TPRG1: variants seen among roughly 807,000 people sequenced by gnomAD.
TPRG1 encodes tumor protein p63-regulated gene 1 protein.
Under a neutral mutation model 29.3 loss-of-function variants are expected in TPRG1, and 29 were observed. That is an observed-to-expected ratio of 0.99 (90% confidence interval 0.74 to 1.35). The LOEUF (loss-of-function observed/expected upper bound fraction) is 1.35. TPRG1 is among the 40% of genes most tolerant of loss of function. TPRG1 has a pLI of 0.00. For synonymous variants in TPRG1, 130 were observed against 116.8 expected (o/e 1.11, Z -0.73); for missense variants, 327 against 335.0 (o/e 0.98, Z 0.19).
chr3:189,293,250 A>G (rs1311397007), intron 4 of TPRG1, among the ~76,000 whole-genome samples: 1 of 152,076 alleles, frequency 6.6e-6, no homozygotes, highest in Non-Finnish European at 1.5e-5. Flanking sequence ...CAATTTCAAC[A>G]TTGTTAGAGT....
At chr3:189,138,585 G>A (rs1443978954) in intron 3 of TPRG1, among the ~76,000 whole-genome samples, 1 of 152,182 alleles carries the variant, frequency 6.6e-6, no homozygotes, top group Non-Finnish European at 1.5e-5. Flanking sequence ...GAAAGAGAAT[G>A]AGGATCAGGC....
chr3:189,137,643 C>A (rs1723941313), intron 3 of TPRG1, among the ~76,000 whole-genome samples: 1 of 151,956 alleles, frequency 6.6e-6, no homozygotes, highest in South Asian at 2.1e-4. Context: ...TTGGGGGTCC[C>A]AGTAGGGTGC....
intron 5 of TPRG1, among the ~76,000 whole-genome samples, chr3:189,161,454 G>A (rs1024235600): frequency 1.6e-5 from 2 of 128,138 alleles, no homozygotes; most frequent in Admixed American, 7.9e-5. Context: ...AGCTTAATAA[G>A]TAGTAGGTTC....
chr3:189,078,700 G>A (rs1717388759), intron 4 of TPRG1, among the ~76,000 whole-genome samples: 1 of 152,130 alleles, frequency 6.6e-6, no homozygotes, highest in Non-Finnish European at 1.5e-5. Context: ...ATGTAATTAG[G>A]AACCCATGGC....
intron 3 of TPRG1, among the ~76,000 whole-genome samples, chr3:189,224,992 C>T (rs957649706): frequency 2.7e-5 from 4 of 147,232 alleles, no homozygotes; most frequent in East Asian, 4.1e-4. Flanking sequence ...AGTGCAGTGG[C>T]GTGATCTCAG....
In TPRG1 at chr3:189,297,832, G is replaced by A. The variant is rs568446736; in HGVS notation, c.480-12554G>A. Among the ~76,000 whole-genome samples the A allele has an allele frequency of 1.5e-4, 23 of 152,204 alleles. No individual in the cohort carries two copies. In the South Asian group the frequency reaches 4.4e-3, roughly 29 times the overall value. On this transcript the variant is annotated intron_variant, in intron 4 of 5. Transcript: ENST00000345063. ...ACCAAGAACTGACCATTTGGGAAGA[G>A]GACTCATGTATGGAACTTGGGAACA...
At chr3:189,205,910 C>A (rs747795025) in intron 1 of TPRG1, among the ~76,000 whole-genome samples, 1 of 151,988 alleles carries the variant, frequency 6.6e-6, no homozygotes, top group Non-Finnish European at 1.5e-5. Flanking sequence ...CTAGAGATAA[C>A]TATTGTTATA....
chr3:189,110,138 G>A (rs1460099313), intron 1 of TPRG1, among the ~76,000 whole-genome samples: 1 of 152,138 alleles, frequency 6.6e-6, no homozygotes, highest in Non-Finnish European at 1.5e-5. Context: ...AACTACAAGT[G>A]GGATTGCTGC....
At chr3:189,104,435 C>T (rs569380325) in intron 1 of TPRG1, among the ~76,000 whole-genome samples, 1 of 152,098 alleles carries the variant, frequency 6.6e-6, no homozygotes, top group South Asian at 2.1e-4. Context: ...CATGATTATC[C>T]AATAAAATTT....
At position 189,186,756 on chromosome 3, in the gene TPRG1, GAA is replaced by G. The variant is rs11320794; in HGVS notation, c.-10+14635_-10+14636del. Among the ~76,000 whole-genome samples, 46 of 147,830 alleles carry G rather than the reference GAA, an allele frequency of 3.1e-4. No individual in the cohort carries two copies. The South Asian group carries it at 3.8e-3, about 12-fold the overall frequency. On this transcript the variant is annotated intron_variant, in intron 1 of 5. Coordinates refer to ENST00000345063, the MANE Select transcript of TPRG1 (RefSeq NM_198485.4). Reference sequence around the variant, plus strand: ...AGTTCAGTATTCTCCTAGTACATATGAAAAAAAAAAAGATAGCTAGAGAAGAA... The same window carrying G: ...AGTTCAGTATTCTCCTAGTACATATGAAAAAAAAAGATAGCTAGAGAAGAA...
At chr3:189,145,371 A>AAAAAAAAAAAAAAAC (rs1725127124) in intron 3 of TPRG1, among the ~76,000 whole-genome samples, 1 of 151,598 alleles carries the variant, frequency 6.6e-6, no homozygotes, top group African/African-American at 2.4e-5. Flanking sequence ...AAAAAAAAAA[A>AAAAAAAAAAAAAAAC]AACATGCCAA....
intron 4 of TPRG1, among the ~76,000 whole-genome samples, chr3:189,292,824 G>A (rs1007374634): frequency 8.5e-5 from 13 of 152,256 alleles, no homozygotes; most frequent in Admixed American, 4.6e-4. Context: ...ACCTGGCAAC[G>A]AGCAGAGATG....
chr3:189,269,036 T>A (rs1214816464), intron 4 of TPRG1, among the ~76,000 whole-genome samples: 1 of 152,128 alleles, frequency 6.6e-6, no homozygotes, highest in African/African-American at 2.4e-5. Context: ...ACAATTAAAT[T>A]TCTAACTCTT....
rs1263337530 is a variant in TPRG1, at chr3:189,056,027, C to CCCTT, written c.-463+32084_-463+32085insTCCT. On this transcript the variant is annotated intron_variant, in intron 4 of 10. Coordinates refer to the TPRG1 transcript ENST00000433971. ...CTCTCTCTCCCTCCCTCCCTTCCCT[C>CCCTT]CCTCCCTTCCTTCCTTCCTTCCTTC... Among the ~76,000 whole-genome samples the CCCTT allele has an allele frequency of 9.4e-5, 10 of 106,178 alleles. 1 individual carries two copies. The highest frequency in any genetic ancestry group is 3.4e-4 in the African/African-American group (9 of 26,476). 69.7% of individuals were successfully genotyped at this position (106,178 alleles called of 152,430 possible).
At chr3:189,032,158 G>A (rs938667433) in intron 4 of TPRG1, among the ~76,000 whole-genome samples, 1 of 152,112 alleles carries the variant, frequency 6.6e-6, no homozygotes, top group Non-Finnish European at 1.5e-5. Context: ...TTGAGTGGGC[G>A]CCATGTAATC....
At chr3:189,142,407 G>A (rs1055092081) in intron 3 of TPRG1, among the ~76,000 whole-genome samples, 5 of 152,104 alleles carry the variant, frequency 3.3e-5, no homozygotes, top group African/African-American at 1.2e-4. Context: ...GTAAGGAGAG[G>A]GTAGAGGCAT....
At chr3:189,319,335 G>A (rs976102185) in intron 5 of TPRG1, among the ~76,000 whole-genome samples, 1 of 151,994 alleles carries the variant, frequency 6.6e-6, no homozygotes, top group Non-Finnish European at 1.5e-5. Flanking sequence ...CTCAAACCAC[G>A]TGTCTGCAAC....
rs745872842 is a variant in TPRG1 at position 189,320,735 on chromosome 3, T to A, written c.743T>A (p.Ile248Asn). 1.3e-6 allele frequency: 2 copies of A among 1,579,248 alleles called. No homozygotes were observed. Among genetic ancestry groups the A allele is most frequent in the Admixed American group, 3.5e-5 (2 of 57,092 alleles). The change falls in exon 6 of 6, where the codon ATT becomes AAT. Residue 248 changes from isoleucine (I) to asparagine (N), a missense_variant. Coordinates refer to ENST00000345063, the MANE Select transcript of TPRG1 (RefSeq NM_198485.4). ...ATGGTGTTAACTGAACCCATTTTGA[T>A]TGAGACCTACACAGGGCTGATGTCA... is the stretch of plus-strand genomic sequence containing the variant. Reference protein sequence around the residue: ...KLMVLTEPILIETYTGLMSFI... With the variant: ...KLMVLTEPILNETYTGLMSFI...
intron 4 of TPRG1, among the ~76,000 whole-genome samples, chr3:189,286,526 C>T (rs935160616): frequency 2.6e-5 from 4 of 152,008 alleles, no homozygotes; most frequent in Non-Finnish European, 5.9e-5. Flanking sequence ...ACTTCCAGGA[C>T]ATAGGGGCAG....
Sources: gnomAD v4.1 joint callset for allele counts (sites outside exome capture counted in the v4.1 genomes callset) on GRCh38, gnomAD v4.1.1 for gene constraint, MANE v1.5 for transcripts, NCBI Gene and HGNC (gene_info 2026-07-23, HGNC 2026-07-21) for gene names.